SCHIP1: variants seen among roughly 807,000 people sequenced by gnomAD.
The protein encoded by SCHIP1 is schwannomin-interacting protein 1.
In SCHIP1, 8 loss-of-function variants were observed where a neutral mutation model predicts 29.7. The ratio of observed to expected loss-of-function variants is 0.27; its 90% confidence interval spans 0.16 to 0.49. The LOEUF is 0.49. Ranked by LOEUF, SCHIP1 falls within the 20% of genes least tolerant of loss-of-function variation. The pLI is 0.99. For synonymous variants in SCHIP1, 76 were observed against 94.9 expected, an observed-to-expected ratio of 0.80 and a Z score of 1.16; for missense variants, 193 against 294.6, an observed-to-expected ratio of 0.66 and a Z score of 2.52.
the SCHIP1 span, among the ~76,000 whole-genome samples, chr3:159,467,966 T>A: frequency 1.3e-5 from 2 of 152,148 alleles, no homozygotes; most frequent in Non-Finnish European, 2.9e-5. Context: ...TCATGGGTTG[T>A]CTTGTTTTCA....
At chr3:159,391,214 A>T in the SCHIP1 span, among the ~76,000 whole-genome samples, 1 of 152,194 alleles carries the variant, frequency 6.6e-6, no homozygotes, top group Admixed American at 6.6e-5. Context: ...TTAAAGATCC[A>T]GTTCTCCTAG....
chr3:159,866,568 A>C (rs531839374), intron 2 of SCHIP1, among the ~76,000 whole-genome samples: 2 of 152,236 alleles, frequency 1.3e-5, no homozygotes, highest in East Asian at 3.9e-4. Context: ...TAGAGGAATC[A>C]AGCCACACTC....
At chr3:159,695,774 C>T in the SCHIP1 span, among the ~76,000 whole-genome samples, 1 of 152,120 alleles carries the variant, frequency 6.6e-6, no homozygotes, top group African/African-American at 2.4e-5. Context: ...TCTTCATTTT[C>T]CCCCTAAGCC....
chr3:159,288,677 G>A, the SCHIP1 span, among the ~76,000 whole-genome samples: 8 of 152,230 alleles, frequency 5.3e-5, no homozygotes, highest in Non-Finnish European at 1.0e-4. Context: ...GGCAGAGGTT[G>A]CAGTGAGCCG....
intron 6 of SCHIP1, among the ~76,000 whole-genome samples, chr3:159,895,670 G>A (rs1207473335): frequency 6.6e-6 from 1 of 151,964 alleles, no homozygotes; most frequent in Non-Finnish European, 1.5e-5. Context: ...TCATAATAGA[G>A]CTTGTTTTTG....
the SCHIP1 span, among the ~76,000 whole-genome samples, chr3:159,815,980 T>A: frequency 2.0e-5 from 3 of 151,566 alleles, no homozygotes; most frequent in Non-Finnish European, 2.9e-5. Context: ...ACAGCATCTC[T>A]CTCTGTCGCC....
Position 159,861,786 on chromosome 3 carries a change from T to C in SCHIP1, c.31-4377T>C, listed in dbSNP as rs1274156478. Among the ~76,000 whole-genome samples, 5 of 152,222 alleles carry C rather than the reference T, an allele frequency of 3.3e-5. No individual in the cohort carries two copies. In the East Asian group the frequency reaches 5.8e-4, roughly 18 times the overall value. On this transcript the variant is annotated intron_variant, in intron 1 of 6. Transcript: ENST00000445224. This position sits in a 1 kb window ranked among gnomAD's most constrained non-coding sequence, Gnocchi z 4.1. ...GTATTTCCCAAGGCTGTTTTAGGAG[T>C]GGACATGGTTCTGCCTGTCATAAGT...
At chr3:159,500,200 G>C in the SCHIP1 span, among the ~76,000 whole-genome samples, 20 of 151,658 alleles carry the variant, frequency 1.3e-4, no homozygotes, top group East Asian at 3.9e-3. Context: ...GCGTATACAC[G>C]AAATGTCACT....
the SCHIP1 span, among the ~76,000 whole-genome samples, chr3:159,528,804 C>G: frequency 6.6e-6 from 1 of 152,174 alleles, no homozygotes; most frequent in East Asian, 1.9e-4. Flanking sequence ...ACTCTGTAAT[C>G]TGCAAAATCT....
At chr3:159,492,299 C>T in the SCHIP1 span, among the ~76,000 whole-genome samples, 2 of 152,258 alleles carry the variant, frequency 1.3e-5, no homozygotes, top group Admixed American at 1.3e-4. Flanking sequence ...GATCAAACTA[C>T]TCCAAGCTAA....
At chr3:159,767,419 GC>G in the SCHIP1 span, among the ~76,000 whole-genome samples, 43 of 152,286 alleles carry the variant, frequency 2.8e-4, no homozygotes, top group South Asian at 8.7e-3. Context: ...GTTTAGTGCT[GC>G]CTGGAGTACG....
At chr3:159,723,067 G>A in the SCHIP1 span, among the ~76,000 whole-genome samples, 1 of 152,096 alleles carries the variant, frequency 6.6e-6, no homozygotes, top group African/African-American at 2.4e-5. Context: ...TAGGTGTTTT[G>A]CAGCCTGTTT....
the SCHIP1 span, among the ~76,000 whole-genome samples, chr3:159,481,750 G>A: frequency 6.6e-6 from 1 of 152,114 alleles, no homozygotes; most frequent in African/African-American, 2.4e-5. Flanking sequence ...GCCCTTTGCT[G>A]CATGCTGTGA....
At chr3:159,553,315 T>C in the SCHIP1 span, among the ~76,000 whole-genome samples, 1 of 151,342 alleles carries the variant, frequency 6.6e-6, no homozygotes, top group Non-Finnish European at 1.5e-5. Context: ...ATTTGTTTTA[T>C]GAGGGGTGAG....
At chr3:159,301,310 A>T in the SCHIP1 span, among the ~76,000 whole-genome samples, 1 of 152,166 alleles carries the variant, frequency 6.6e-6, no homozygotes, top group African/African-American at 2.4e-5. Flanking sequence ...TCCAGAGACC[A>T]TGCTCCTAAC....
At chr3:159,369,830 C>T in the SCHIP1 span, among the ~76,000 whole-genome samples, 394 of 151,970 alleles carry the variant, frequency 2.6e-3, 3 homozygotes, top group African/African-American at 9.1e-3. Context: ...GATTGATTGC[C>T]CTCAAGAAAA....
chr3:159,862,819 A>G (rs917887709), intron 1 of SCHIP1, among the ~76,000 whole-genome samples: 6 of 147,954 alleles, frequency 4.1e-5, no homozygotes, highest in Admixed American at 4.0e-4. Flanking sequence ...TTTTTAAAAA[A>G]CTTTTTTTTT....
At chr3:159,888,186 T>G (rs1303950272) in intron 4 of SCHIP1, 1 of 448,210 alleles carries the variant, frequency 2.2e-6, no homozygotes, top group Admixed American at 3.7e-5. Flanking sequence ...TAAATTCCTT[T>G]GAAGCGATCT....
the SCHIP1 span, among the ~76,000 whole-genome samples, chr3:159,804,311 C>T: frequency 1.3e-5 from 2 of 152,198 alleles, no homozygotes; most frequent in African/African-American, 4.8e-5. Context: ...CAGTTCATTA[C>T]TTTCAAAGGT....
Sources: allele counts gnomAD v4.1 joint callset (sites outside exome capture counted in the v4.1 genomes callset), GRCh38; gene constraint gnomAD v4.1.1; non-coding constraint Gnocchi (gnomAD v3.1); transcripts MANE v1.5; gene names NCBI Gene and HGNC (gene_info 2026-07-23, HGNC 2026-07-21).